KHDC1: variants seen among roughly 807,000 people sequenced by gnomAD.
The protein encoded by KHDC1 is KH domain containing 1.
A neutral mutation model predicts 24.7 loss-of-function variants in KHDC1; 21 were observed. The ratio of observed to expected loss-of-function variants is 0.85; its 90% confidence interval spans 0.60 to 1.23. The LOEUF is 1.23. Among genes scored for constraint, KHDC1 ranks in the 50% most tolerant of loss-of-function variants. The pLI, the probability that KHDC1 is intolerant of heterozygous loss-of-function variation, is 0.00. For missense variants in KHDC1, 274 were observed against 298.5 expected (o/e 0.92, Z 0.61); for synonymous variants, 98 against 111.7 (o/e 0.88, Z 0.77).
At chr6:73,304,317 A>C (rs528557188) in intron 1 of KHDC1, among the ~76,000 whole-genome samples, 1 of 152,264 alleles carries the variant, frequency 6.6e-6, no homozygotes. Context: ...AAATGAAAAA[A>C]GTAAAGGTAC....
At chr6:73,243,874 T>G (rs1390552048) in intron 2 of KHDC1, among the ~76,000 whole-genome samples, 3 of 152,208 alleles carry the variant, frequency 2.0e-5, no homozygotes, top group Admixed American at 2.0e-4. Flanking sequence ...TAATTTAAGC[T>G]AGGTTGCTGG....
intron 2 of KHDC1, among the ~76,000 whole-genome samples, chr6:73,244,704 G>GT (rs1457318391): frequency 7.2e-6 from 1 of 138,020 alleles, no homozygotes; most frequent in Non-Finnish European, 1.6e-5. Context: ...CGGGGGGGCG[G>GT]GGGGGGGCTC....
intron 1 of KHDC1, chr6:73,299,652 A>T (rs1043985475): frequency 6.6e-6 from 1 of 152,632 alleles, no homozygotes; most frequent in African/African-American, 2.4e-5. Context: ...GGGGCTCGGG[A>T]TTGCACGCCT....
At chr6:73,305,665 A>G (rs1767949795) in intron 1 of KHDC1, among the ~76,000 whole-genome samples, 2 of 151,998 alleles carry the variant, frequency 1.3e-5, no homozygotes. Context: ...TGATTTAATT[A>G]TTATTATTTT....
chr6:73,292,395 C>A, intron 1 of KHDC1: 1 of 780,118 alleles, frequency 1.3e-6, no homozygotes, highest in Non-Finnish European at 2.4e-6. Flanking sequence ...GGGAATTACT[C>A]AGGAGCAGCA....
chr6:73,241,398 A>T, exon 5 of KHDC1: 1 of 784,770 alleles, frequency 1.3e-6, no homozygotes, highest in Non-Finnish European at 2.2e-6. Context: ...AGACATGTCT[A>T]GAAGACCTGA....
chr6:73,241,477 A>C, exon 5 of KHDC1: 1 of 1,566,606 alleles, frequency 6.4e-7, no homozygotes, highest in Non-Finnish European at 8.8e-7. Flanking sequence ...ACCAAAAGTG[A>C]AGCCAAGATT....
chr6:73,262,631 C>T (rs1054268293), intron 2 of KHDC1, 143 bp downstream of exon 1: 7 of 570,738 alleles, frequency 1.2e-5, no homozygotes, highest in African/African-American at 2.5e-5. Flanking sequence ...GAAAGTCACA[C>T]GATCTGTTTT....
chr6:73,256,339 T>A (rs1369156884), intron 2 of KHDC1, among the ~76,000 whole-genome samples: 2 of 152,220 alleles, frequency 1.3e-5, no homozygotes, highest in African/African-American at 2.4e-5. Context: ...GTATATTATT[T>A]ATAAACTTAT....
At chr6:73,299,666 TCAGACCCCCCAGC>T (rs1484185892) in intron 1 of KHDC1, 1 of 152,994 alleles carries the variant, frequency 6.5e-6, no homozygotes, top group Non-Finnish European at 1.5e-5. Context: ...CACGCCTAGC[TCAGACCCCCCAGC>T]CAGGACCCCT....
At chr6:73,279,948 GATC>G (rs1462399840) in intron 2 of KHDC1, among the ~76,000 whole-genome samples, 1 of 151,968 alleles carries the variant, frequency 6.6e-6, no homozygotes, top group African/African-American at 2.4e-5. Context: ...TTTTGTATGT[GATC>G]ATCATTGTTG....
At position 73,290,102 on chromosome 6, in the gene KHDC1, G is replaced by A. The variant is rs532196755; in HGVS notation, c.206+1896C>T. 2.7e-4 allele frequency among the ~76,000 whole-genome samples: 12 copies of A among 45,234 alleles called. No homozygotes were observed. In the East Asian group the frequency reaches 4.0e-3, roughly 15 times the overall value. 29.7% of individuals were successfully genotyped at this position (45,234 alleles called of 152,430 possible). A position where few individuals can be genotyped will look rare whatever the true frequency, so the allele number is the denominator to read the frequency against. Reference sequence around the variant, plus strand: ...GGCCTGGGCAACAGAGCGAGACTCCGTCTCAAAAAAAAAAAAAAAAAAAAA... The same window carrying A: ...GGCCTGGGCAACAGAGCGAGACTCCATCTCAAAAAAAAAAAAAAAAAAAAA... On this transcript the variant is annotated intron_variant, in intron 2 of 4. Transcript: ENST00000370384.
chr6:73,273,160 T>TTTTG lies in KHDC1; in HGVS notation c.206+18834_206+18837dup, dbSNP rs541599284. The stretch of plus-strand genomic sequence containing the variant: ...AGGCGTGAGCCACCGCGCCCAGCTT[T>TTTTG]TTTGTTTGTTTGTTTGTTTGTTTTT... On this transcript the variant is annotated intron_variant, in intron 2 of 4. Coordinates refer to ENST00000370384, the Ensembl canonical transcript of KHDC1. Among the ~76,000 whole-genome samples, 71 of 126,598 alleles carry TTTTG rather than the reference T, an allele frequency of 5.6e-4. No individual in the cohort carries two copies. The East Asian group carries it at 7.9e-3, about 14-fold the overall frequency. 83.1% of individuals were successfully genotyped at this position (126,598 alleles called of 152,430 possible).
chr6:73,288,803 CAAAAAAAAAAAA>C (rs33926109), intron 2 of KHDC1, among the ~76,000 whole-genome samples: 6 of 78,572 alleles, frequency 7.6e-5, no homozygotes, highest in African/African-American at 2.7e-4. Context: ...ACCCCCATCT[CAAAAAAAAAAAA>C]AAAAAAAAAG....
intron 2 of KHDC1, chr6:73,274,176 TTAACA>T (rs944177758): frequency 1.3e-5 from 2 of 152,198 alleles, no homozygotes; most frequent in African/African-American, 2.4e-5. Context: ...TTATCCAATA[TTAACA>T]TAACATTACA....
rs1767629649 is a variant in KHDC1, at chr6:73,290,598, A to C, written c.206+1400T>G. Reference sequence around the variant, plus strand: ...TGGGAGAAGCTTCTGCTGGCAGCTCATGCCATTGTTGCCATTGAAAACCCT... The same window carrying C: ...TGGGAGAAGCTTCTGCTGGCAGCTCCTGCCATTGTTGCCATTGAAAACCCT... On this transcript the variant is annotated intron_variant, in intron 2 of 4. Coordinates refer to ENST00000370384, the Ensembl canonical transcript of KHDC1. The C allele has an allele frequency of 1.9e-5, 10 of 514,660 alleles. No homozygotes were observed. In the Middle Eastern group the frequency reaches 1.9e-3, roughly 98 times the overall value. 31.9% of individuals were successfully genotyped at this position (514,660 alleles called of 1,614,324 possible).
intron 2 of KHDC1, among the ~76,000 whole-genome samples, chr6:73,289,928 G>A (rs1468582023): frequency 6.6e-6 from 1 of 150,816 alleles, no homozygotes. Context: ...GTGAAACCCC[G>A]TCTCTACTAA....
At chr6:73,310,093 G>C in exon 1 of KHDC1, 1 of 216,974 alleles carries the variant, frequency 4.6e-6, no homozygotes, top group South Asian at 5.9e-5. Context: ...AAGAACCGGA[G>C]GAGAGGACCC....
intron 2 of KHDC1, among the ~76,000 whole-genome samples, chr6:73,266,056 A>G (rs1037811240): frequency 6.6e-6 from 1 of 152,164 alleles, no homozygotes; most frequent in African/African-American, 2.4e-5. Flanking sequence ...AGCATGCCAT[A>G]TGTTAAGATC....
Sources: gnomAD v4.1 joint callset for allele counts (sites outside exome capture counted in the v4.1 genomes callset) on GRCh38, gnomAD v4.1.1 for gene constraint, MANE v1.5 for transcripts, NCBI Gene and HGNC (gene_info 2026-07-23, HGNC 2026-07-21) for gene names.